The following DOCK4 variants were observed in gnomAD, a reference collection of about 807,000 sequenced individuals.
The protein encoded by DOCK4 is dedicator of cytokinesis protein 4.
DOCK4 carries 97 observed loss-of-function variants against 268.1 expected under a neutral mutation model. That is an observed-to-expected ratio of 0.36 (90% CI 0.31 to 0.43). DOCK4 has a LOEUF of 0.43. Ranked by LOEUF, DOCK4 falls within the 20% of genes least tolerant of loss-of-function variation. DOCK4 has a pLI of 1.00. For synonymous variants in DOCK4, 954 were observed against 887.2 expected (o/e 1.08, Z -1.34); for missense variants, 2,145 against 2,455.7 (o/e 0.87, Z 2.67).
intron 1 of DOCK4, among the ~76,000 whole-genome samples, chr7:112,178,156 A>G (rs1261155319): frequency 6.6e-6 from 1 of 152,234 alleles, no homozygotes; most frequent in African/African-American, 2.4e-5. Flanking sequence ...CATCACAGTT[A>G]CAGGTGAAAT....
chr7:112,131,745 C>T (rs536508507), intron 1 of DOCK4, among the ~76,000 whole-genome samples: 6 of 152,074 alleles, frequency 3.9e-5, no homozygotes, highest in Non-Finnish European at 8.8e-5. Flanking sequence ...ATAGTCTCTG[C>T]CCTTAAAGAT....
Position 112,152,690 on chromosome 7 carries a change from T to C in DOCK4, c.37+53412A>G, listed in dbSNP as rs1816212865. Among the ~76,000 whole-genome samples the C allele has an allele frequency of 2.6e-5, 4 of 152,160 alleles. No individual in the cohort carries two copies. The South Asian group carries it at 8.3e-4, about 32-fold the overall frequency. Reference sequence around the variant, plus strand: ...TTGTAGCGACGGGGGTCTTGCTATGTTGCTGAGGCTGGTCTCAACTCCTGG... The same window carrying C: ...TTGTAGCGACGGGGGTCTTGCTATGCTGCTGAGGCTGGTCTCAACTCCTGG... On this transcript the variant is annotated intron_variant, in intron 1 of 52. Coordinates refer to ENST00000428084, the MANE Select transcript of DOCK4 (RefSeq NM_001363540.2).
intron 47 of DOCK4, chr7:111,740,139 G>T: frequency 2.3e-6 from 1 of 434,738 alleles, no homozygotes; most frequent in South Asian, 1.6e-5. Context: ...TCGCTTTGTT[G>T]CCCAGGCTGG....
intron 1 of DOCK4, among the ~76,000 whole-genome samples, chr7:112,075,649 A>C (rs1208553304): frequency 1.3e-5 from 2 of 152,198 alleles, no homozygotes; most frequent in Non-Finnish European, 2.9e-5. Flanking sequence ...CGACAACATT[A>C]ATTTCTGAAC....
chr7:111,825,655 T>C (rs1032317781), intron 26 of DOCK4, among the ~76,000 whole-genome samples: 7 of 152,232 alleles, frequency 4.6e-5, no homozygotes, highest in African/African-American at 1.7e-4. Flanking sequence ...TTTTACATCA[T>C]ACAGCACAAC....
intron 8 of DOCK4, among the ~76,000 whole-genome samples, chr7:111,955,081 A>C (rs1156388427): frequency 6.6e-6 from 1 of 152,236 alleles, no homozygotes; most frequent in Non-Finnish European, 1.5e-5. Flanking sequence ...ACCAGAAAAC[A>C]GGCAATGTAC....
chr7:111,872,189 CAT>C, intron 19 of DOCK4, 78 bp downstream of exon 19: 13 of 1,360,658 alleles, frequency 9.6e-6, no homozygotes, highest in Middle Eastern at 2.5e-4. Context: ...TTATTAAGCA[CAT>C]GTTTCTGAAC....
intron 1 of DOCK4, among the ~76,000 whole-genome samples, chr7:112,009,664 A>G (rs1801134567): frequency 6.6e-6 from 1 of 152,150 alleles, no homozygotes; most frequent in Non-Finnish European, 1.5e-5. Context: ...TCATGGAAGT[A>G]TCCATTAAGG....
intron 27 of DOCK4, chr7:111,819,721 T>C (rs914597549): frequency 6.6e-6 from 1 of 152,254 alleles, no homozygotes; most frequent in Non-Finnish European, 1.5e-5. Flanking sequence ...TTTTGAGGGA[T>C]GAGCAATTCA....
intron 1 of DOCK4, among the ~76,000 whole-genome samples, chr7:112,179,773 T>C (rs947173696): frequency 5.3e-5 from 8 of 152,234 alleles, no homozygotes; most frequent in Admixed American, 1.3e-4. Flanking sequence ...TTTAGGAGAT[T>C]AGTATAGATT....
At chr7:112,101,810 A>G (rs2135814364) in intron 1 of DOCK4, among the ~76,000 whole-genome samples, 1 of 151,046 alleles carries the variant, frequency 6.6e-6, no homozygotes, top group African/African-American at 2.4e-5. Context: ...CATCATTTAA[A>G]TGCTAAGGTT....
intron 20 of DOCK4, among the ~76,000 whole-genome samples, 154 bp from the exon 21 acceptor site, chr7:111,869,809 A>G (rs1806265876): frequency 6.6e-6 from 1 of 152,120 alleles, no homozygotes; most frequent in Non-Finnish European, 1.5e-5. Flanking sequence ...ATTTTACTAA[A>G]TCTGCAGATC....
chr7:111,741,895 A>T, intron 45 of DOCK4, 118 bp downstream of exon 45: 1 of 1,387,956 alleles, frequency 7.2e-7, no homozygotes. Context: ...CTCCCTGGTA[A>T]AACAGTGCAG....
chr7:111,928,938 A>G (rs1322008871), intron 12 of DOCK4, among the ~76,000 whole-genome samples: 1 of 152,142 alleles, frequency 6.6e-6, no homozygotes, highest in African/African-American at 2.4e-5. Context: ...CAAAATCTGA[A>G]CAAGGTTTGC....
intron 1 of DOCK4, among the ~76,000 whole-genome samples, chr7:112,095,614 T>C (rs1810050612): frequency 6.6e-6 from 1 of 152,196 alleles, no homozygotes; most frequent in Non-Finnish European, 1.5e-5. Context: ...ACTAACTTGA[T>C]ATACTTGTAT....
intron 1 of DOCK4, among the ~76,000 whole-genome samples, chr7:112,083,207 ATTT>A (rs1586788255): frequency 6.6e-6 from 1 of 152,110 alleles, no homozygotes; most frequent in Non-Finnish European, 1.5e-5. Context: ...AATCAGTAGA[ATTT>A]TTTATTAATA....
intron 1 of DOCK4, among the ~76,000 whole-genome samples, chr7:112,111,401 A>G (rs1049634726): frequency 2.6e-5 from 4 of 152,142 alleles, no homozygotes; most frequent in Non-Finnish European, 5.9e-5. Flanking sequence ...TCTCAGGTGT[A>G]TCCATATCAA....
At position 111,872,171 on chromosome 7, in the gene DOCK4, C is replaced by T. The variant is rs1054052254; in HGVS notation, c.1927-81G>A. 3 of 1,369,510 alleles carry T rather than the reference C, an allele frequency of 2.2e-6. No individual in the cohort carries two copies. The African/African-American group carries it at 4.4e-5, about 20-fold the overall frequency. The allele number at this position is 1,369,510 out of a possible 1,614,324, so 84.8% of individuals were successfully genotyped here. On this transcript the variant is annotated intron_variant, in intron 19 of 52. Transcript: ENST00000428084. Reference sequence around the variant, plus strand: ...TTTTTTTGCTTCTTTTTAAAATGAACTCTTACATTATTAAGCACATGTTTC... The same window carrying T: ...TTTTTTTGCTTCTTTTTAAAATGAATTCTTACATTATTAAGCACATGTTTC...
chr7:111,940,747 G>A (rs1418300225), intron 10 of DOCK4, among the ~76,000 whole-genome samples: 1 of 152,182 alleles, frequency 6.6e-6, no homozygotes, highest in African/African-American at 2.4e-5. Context: ...GAACTCAGTT[G>A]TCACCAAAAT....
Sources: gnomAD v4.1 joint callset for allele counts (sites outside exome capture counted in the v4.1 genomes callset) on GRCh38, gnomAD v4.1.1 for gene constraint, MANE v1.5 for transcripts, NCBI Gene and HGNC (gene_info 2026-07-23, HGNC 2026-07-21) for gene names.